The following PTGER3 variants were observed in gnomAD, a reference collection of about 807,000 sequenced individuals.
The protein encoded by PTGER3 is prostaglandin E2 receptor EP3 subtype.
Under a neutral mutation model 34.7 loss-of-function variants are expected in PTGER3, and 22 were observed. The observed-to-expected ratio is 0.63, with a 90% confidence interval of 0.45 to 0.91. PTGER3 has a LOEUF of 0.91. Among genes scored for constraint, PTGER3 ranks in the 40% least tolerant of loss-of-function variants. PTGER3 has a pLI of 0.00. For missense variants in PTGER3, 468 were observed against 519.4 expected, an observed-to-expected ratio of 0.90 and a Z score of 0.96; for synonymous variants, 241 against 230.1, an observed-to-expected ratio of 1.05 and a Z score of -0.43.
At chr1:70,973,292 G>C (rs1407880694) in intron 3 of PTGER3, among the ~76,000 whole-genome samples, 1 of 152,046 alleles carries the variant, frequency 6.6e-6, no homozygotes, top group Non-Finnish European at 1.5e-5. Flanking sequence ...ACAGATAGAT[G>C]TGGGGAAGGA....
chr1:70,936,340 G>T (rs1649226572), intron 4 of PTGER3, among the ~76,000 whole-genome samples: 1 of 152,206 alleles, frequency 6.6e-6, no homozygotes, highest in African/African-American at 2.4e-5. Context: ...ACACAAAAGT[G>T]TAGAGGCTGG....
intron 4 of PTGER3, among the ~76,000 whole-genome samples, chr1:70,858,456 G>A (rs1645858734): frequency 6.6e-6 from 1 of 151,984 alleles, no homozygotes; most frequent in Admixed American, 6.6e-5. Context: ...TATTAATAAA[G>A]ACATTTGATT....
chr1:70,876,307 T>C (rs561511480), intron 4 of PTGER3, among the ~76,000 whole-genome samples: 2 of 151,200 alleles, frequency 1.3e-5, no homozygotes, highest in African/African-American at 4.8e-5. Flanking sequence ...CTTATTAATG[T>C]GTTTAAGTTC....
intron 2 of PTGER3, among the ~76,000 whole-genome samples, chr1:70,991,827 T>C (rs1655508011): frequency 6.6e-6 from 1 of 152,188 alleles, no homozygotes; most frequent in Non-Finnish European, 1.5e-5. Flanking sequence ...TACTGTGTTA[T>C]TACTCAGATA....
chr1:70,909,436 G>A (rs1411372810), intron 4 of PTGER3, among the ~76,000 whole-genome samples: 1 of 152,174 alleles, frequency 6.6e-6, no homozygotes, highest in East Asian at 1.9e-4. Flanking sequence ...GAAAAATATT[G>A]TGTAATCAAG....
chr1:70,912,419 G>A (rs572411341), intron 4 of PTGER3, among the ~76,000 whole-genome samples: 2 of 152,124 alleles, frequency 1.3e-5, no homozygotes, highest in South Asian at 4.2e-4. Flanking sequence ...AGTTCAGTGG[G>A]ATGATAACAG....
In PTGER3 at chr1:70,954,449, A is replaced by G. The variant is rs530547090; in HGVS notation, c.1078-660T>C. On this transcript the variant is annotated intron_variant, in intron 2 of 3. Coordinates refer to the PTGER3 transcript ENST00000356595. Reference sequence around the variant, plus strand: ...TGGGGACTGGCAGTACTAGTGCTGTATGTCGACATTACTCTTAAAAATGTT... The same window carrying G: ...TGGGGACTGGCAGTACTAGTGCTGTGTGTCGACATTACTCTTAAAAATGTT... Among the ~76,000 whole-genome samples, 36 of 152,270 alleles carry G rather than the reference A, an allele frequency of 2.4e-4. 1 individual carries two copies. The highest frequency in any genetic ancestry group is 2.1e-3 in the Admixed American group (32 of 15,286).
rs749093746 is a variant in PTGER3, at chr1:71,046,729, C to G, written c.849G>C (p.Gln283His). ...ACAGCACGCACATGATCCCCATAAG[C>G]TGAATGGCCGTCTCGGTCGTGATGC... ...WGRITTETAI[Q>H]LMGIMCVLSV... The change falls in exon 1 of 4, where the codon CAG (glutamine) becomes CAC (histidine). Residue 283 changes from glutamine (Q) to histidine (H), a missense_variant. Gln to His is a conservative substitution (Grantham distance 24). Coordinates refer to ENST00000306666, the MANE Select transcript of PTGER3 (RefSeq NM_198719.2). 2.2e-5 allele frequency: 35 copies of G among 1,609,386 alleles called. No individual in the cohort carries two copies. The highest frequency in any genetic ancestry group is 2.8e-5 in the Non-Finnish European group (33 of 1,177,776).
chr1:70,861,712 A>AC (rs374967977), intron 4 of PTGER3, among the ~76,000 whole-genome samples: 32 of 151,794 alleles, frequency 2.1e-4, no homozygotes, highest in Middle Eastern at 3.4e-3. Context: ...AAAAAAAAAA[A>AC]CAAAAACTTC....
At chr1:70,871,930 GTCTA>G (rs1397346760) in intron 4 of PTGER3, among the ~76,000 whole-genome samples, 9 of 152,212 alleles carry the variant, frequency 5.9e-5, no homozygotes, top group Non-Finnish European at 8.8e-5. Flanking sequence ...CATTTGAGAA[GTCTA>G]TCTGTCAGAT....
At chr1:71,012,221 T>C in intron 2 of PTGER3, 84 bp downstream of exon 2, 1 of 1,610,990 alleles carries the variant, frequency 6.2e-7, no homozygotes, top group Non-Finnish European at 8.5e-7. Flanking sequence ...TCTTTCATGC[T>C]TCTGTCTGTA....
intron 2 of PTGER3, among the ~76,000 whole-genome samples, chr1:70,975,056 T>C (rs1311522850): frequency 3.3e-5 from 5 of 152,180 alleles, no homozygotes; most frequent in Admixed American, 1.3e-4. Context: ...CCTCACTATA[T>C]GACATCTACT....
intron 4 of PTGER3, among the ~76,000 whole-genome samples, chr1:70,926,029 CTAG>C (rs1171639916): frequency 6.6e-6 from 1 of 152,000 alleles, no homozygotes; most frequent in Non-Finnish European, 1.5e-5. Context: ...TGATACTTTT[CTAG>C]TAGTGAAATA....
At chr1:70,988,248 A>G (rs1655106032) in intron 2 of PTGER3, among the ~76,000 whole-genome samples, 1 of 152,166 alleles carries the variant, frequency 6.6e-6, no homozygotes, top group African/African-American at 2.4e-5. Context: ...TTTCCCATAA[A>G]ATAACCCATA....
At chr1:70,943,847 G>GGAGAGAGAGAGA (rs60989903) in intron 4 of PTGER3, among the ~76,000 whole-genome samples, 5 of 138,236 alleles carry the variant, frequency 3.6e-5, no homozygotes, top group African/African-American at 1.4e-4. Context: ...GGAGAGAGAG[G>GGAGAGAGAGAGA]GAGAGAGAGA....
chr1:70,952,245 A>G (rs992196202), downstream of PTGER3, among the ~76,000 whole-genome samples: 2 of 148,760 alleles, frequency 1.3e-5, no homozygotes, highest in African/African-American at 2.5e-5. Context: ...ATATTCTCAC[A>G]TAACAGATGA....
intron 2 of PTGER3, among the ~76,000 whole-genome samples, chr1:70,963,246 G>A (rs1652135139): frequency 6.6e-6 from 1 of 152,182 alleles, no homozygotes; most frequent in African/African-American, 2.4e-5. Context: ...CTGGCATTGA[G>A]TATCTAAGGC....
chr1:70,933,632 A>G (rs1428532360), intron 4 of PTGER3, among the ~76,000 whole-genome samples: 1 of 152,166 alleles, frequency 6.6e-6, no homozygotes, highest in Non-Finnish European at 1.5e-5. Context: ...GAAGGGAGAA[A>G]GTGACTACTT....
At chr1:71,012,015 T>A in intron 2 of PTGER3, 1 of 1,404,016 alleles carries the variant, frequency 7.1e-7, no homozygotes, top group Non-Finnish European at 9.2e-7. Flanking sequence ...ACTAGACTGT[T>A]ATTAATATAT....
Sources: allele counts gnomAD v4.1 joint callset (sites outside exome capture counted in the v4.1 genomes callset), GRCh38; gene constraint gnomAD v4.1.1; transcripts MANE v1.5; gene names NCBI Gene and HGNC (gene_info 2026-07-23, HGNC 2026-07-21).